The following PGR variants were observed in gnomAD, a reference collection of about 807,000 sequenced individuals.
PGR encodes the protein nuclear receptor subfamily 3 group C member 3.
Under a neutral mutation model 76.1 loss-of-function variants are expected in PGR, and 25 were observed. The ratio of observed to expected loss-of-function variants is 0.33; its 90% CI spans 0.24 to 0.46. The LOEUF (loss-of-function observed/expected upper bound fraction) is 0.46. Ranked by LOEUF, PGR falls within the 20% of genes least tolerant of loss-of-function variation. The pLI is 1.00. For missense variants in PGR, 1,172 were observed against 1,225.3 expected, an observed-to-expected ratio of 0.96 and a Z score of 0.65; for synonymous variants, 579 against 535.0, an observed-to-expected ratio of 1.08 and a Z score of -1.14.
chr11:101,084,097 T>C (rs637963), intron 3 of PGR, among the ~76,000 whole-genome samples: 38,854 of 151,990 alleles, frequency 0.26, 5,844 homozygotes, highest in Non-Finnish European at 0.35. Context: ...GTTGTCATGA[T>C]AGTGAGTGGG....
chr11:101,114,124 A>G (rs190721392), intron 2 of PGR, among the ~76,000 whole-genome samples: 1 of 152,222 alleles, frequency 6.6e-6, no homozygotes, highest in African/African-American at 2.4e-5. Flanking sequence ...TCTAATACTT[A>G]GTCAGGATTC....
In PGR at chr11:101,062,693, G is replaced by A. The variant is rs1282922655; in HGVS notation, c.1966C>T (p.Leu656Phe). 1.2e-6 allele frequency: 2 copies of A among 1,613,704 alleles called. No individual in the cohort carries two copies. Among genetic ancestry groups the A allele is most frequent in the East Asian group, 4.5e-5 (2 of 44,866 alleles). ...TTTGGAACGCCCACTGGCTGTGGGA[G>A]AGCAACAGCATCCAGTGCTCTCACA... ...RVVRALDAVA[L>F]PQPVGVPNES... Residue 656 changes from leucine (L) to phenylalanine (F), a missense_variant, in exon 4 of 8, where the codon CTC becomes TTC. Leu to Phe is a conservative substitution (Grantham distance 22, BLOSUM62 0). Coordinates refer to ENST00000325455, the MANE Select transcript of PGR (RefSeq NM_000926.4).
intron 6 of PGR, among the ~76,000 whole-genome samples, chr11:101,043,271 G>T (rs1399685914): frequency 6.6e-6 from 1 of 152,144 alleles, no homozygotes; most frequent in Non-Finnish European, 1.5e-5. Context: ...TCCAACTCAA[G>T]AAACCACTTT....
At chr11:101,119,704 GA>G (rs1862615870) in intron 2 of PGR, among the ~76,000 whole-genome samples, 2 of 152,150 alleles carry the variant, frequency 1.3e-5, no homozygotes, top group African/African-American at 2.4e-5. Flanking sequence ...AAGAAATACA[GA>G]GCTGTTCTGA....
chr11:101,062,329 C>T, intron 4 of PGR, 118 bp downstream of exon 4: 1 of 784,308 alleles, frequency 1.3e-6, no homozygotes, highest in Non-Finnish European at 2.1e-6. Flanking sequence ...CACATACTAT[C>T]ACATACTGTT....
chr11:101,033,281 T>C lies in PGR; in HGVS notation c.*5835A>G. 1 of 206,052 alleles carries C rather than the reference T, an allele frequency of 4.9e-6. No individual in the cohort carries two copies. 12.8% of individuals were successfully genotyped at this position (206,052 alleles called of 1,614,324 possible). A position where few individuals can be genotyped will look rare whatever the true frequency, so the allele number is the denominator to read the frequency against. On this transcript the variant is annotated 3_prime_UTR_variant, in exon 8 of 8. Transcript: ENST00000325455. ...AATTCTGGAAAGTATTTCTACCTTATGGAGAACAAGCAGAGCCACATCTCT... is the reference window on the plus strand; with the variant it reads ...AATTCTGGAAAGTATTTCTACCTTACGGAGAACAAGCAGAGCCACATCTCT...
At chr11:101,096,350 A>G (rs1861830386) in intron 2 of PGR, among the ~76,000 whole-genome samples, 5 of 152,238 alleles carry the variant, frequency 3.3e-5, no homozygotes, top group Admixed American at 3.3e-4. Flanking sequence ...TCAAAACTGC[A>G]AAGTAGATGC....
In PGR at chr11:101,062,750, G is replaced by T; in HGVS notation, c.1909C>A (p.Arg637=). 1.2e-6 allele frequency: 2 copies of T among 1,607,030 alleles called. No individual in the cohort carries two copies. The highest frequency in any genetic ancestry group is 2.2e-5 in the South Asian group (2 of 90,236). ...ACTTTATTGAACTTTTTAAATTTTC[G>T]ACCTACAGAGAAGAAAAAAAAGAAA... The part of the protein sequence containing the change: ...CCQAGMVLGG[R]KFKKFNKVRV... Residue 637 remains arginine (R), a splice_region_variant and synonymous_variant, in exon 4 of 8, where the codon CGA becomes AGA. Transcript: ENST00000325455.
In PGR at chr11:101,084,673, C is replaced by T. The variant is rs142311942; in HGVS notation, c.1906+7087G>A. 6.0e-3 allele frequency among the ~76,000 whole-genome samples: 899 copies of T among 149,150 alleles called. 6 individuals carry two copies. The highest frequency in any genetic ancestry group is 0.021 in the African/African-American group (860 of 40,694). ...ACTCCATCTAAAAAAAAAAAAAAGTCACAGAGTGGCAAACCAGCTAGGAAA... is the reference window on the plus strand; with the variant it reads ...ACTCCATCTAAAAAAAAAAAAAAGTTACAGAGTGGCAAACCAGCTAGGAAA... On this transcript the variant is annotated intron_variant, in intron 3 of 7. Coordinates refer to ENST00000325455, the MANE Select transcript of PGR (RefSeq NM_000926.4).
Position 101,049,949 on chromosome 11 carries a change from A to G in PGR, c.2468T>C (p.Val823Ala). 2 of 1,611,750 alleles carry G rather than the reference A, an allele frequency of 1.2e-6. No homozygotes were observed. Among genetic ancestry groups the G allele is most frequent in the Non-Finnish European group, 1.7e-6 (2 of 1,178,290 alleles). ...VSQEEFLCMK[V>A]LLLLNTIPLE... ...CTCACTTGTATTAAGAAGTAACAAT[A>G]CTTTCATACAGAGGAACTCTTCTTG... Residue 823 changes from valine to alanine, a missense_variant, in exon 6 of 8, where the codon GTA becomes GCA. Transcript: ENST00000325455.
At position 101,090,605 on chromosome 11, in the gene PGR, A is replaced by T. The variant is rs192500350; in HGVS notation, c.1906+1155T>A. Among the ~76,000 whole-genome samples the T allele has an allele frequency of 5.3e-5, 8 of 152,334 alleles. No individual in the cohort carries two copies. The East Asian group carries it at 1.5e-3, about 29-fold the overall frequency. Reference sequence around the variant, plus strand: ...AAAGAGGTGGTAATTGAGGTGTGGGACTCAAAAACAATTTTAATCTGCTGA... The same window carrying T: ...AAAGAGGTGGTAATTGAGGTGTGGGTCTCAAAAACAATTTTAATCTGCTGA... On this transcript the variant is annotated intron_variant, in intron 3 of 7. Transcript: ENST00000325455.
rs574957000 is a variant in PGR, at chr11:101,080,787, T to C, written c.1906+10973A>G. 3.2e-3 allele frequency among the ~76,000 whole-genome samples: 484 copies of C among 152,168 alleles called. 2 individuals carry two copies. The highest frequency in any genetic ancestry group is 0.011 in the African/African-American group (454 of 41,530). On this transcript the variant is annotated intron_variant, in intron 3 of 7. Coordinates refer to ENST00000325455, the MANE Select transcript of PGR (RefSeq NM_000926.4). ...ACATGAACATCTTAAAAAAAATCAA[T>C]AGTAGCTTCTGGAATTGAAAAACTC...
chr11:101,086,571 G>GA lies in PGR; in HGVS notation c.1906+5188dup, dbSNP rs1861508542. ...ACTCTCACCACTCCTGTTAACACTG[G>GA]AAGTGCTAGCCAGAGCAGTCAGGCA... is the stretch of plus-strand genomic sequence containing the variant. On this transcript the variant is annotated intron_variant, in intron 3 of 7. Transcript: ENST00000325455. Among the ~76,000 whole-genome samples, 3 of 152,194 alleles carry GA rather than the reference G, an allele frequency of 2.0e-5. No individual in the cohort carries two copies. The South Asian group carries it at 6.2e-4, about 32-fold the overall frequency.
rs1859299984 is a variant in PGR at position 101,029,995 on chromosome 11, C to G, written c.*9121G>C. Reference sequence around the variant, plus strand: ...ACAGTTTCACCTTCTTGGCAAAAACCTTCAGAACAATTGTCAACATACTCT... The same window carrying G: ...ACAGTTTCACCTTCTTGGCAAAAACGTTCAGAACAATTGTCAACATACTCT... On this transcript the variant is annotated 3_prime_UTR_variant, in exon 8 of 8. Coordinates refer to ENST00000325455, the MANE Select transcript of PGR (RefSeq NM_000926.4). The G allele has an allele frequency of 4.5e-6, 1 of 223,754 alleles. No individual in the cohort carries two copies. Among genetic ancestry groups the G allele is most frequent in the Admixed American group, 5.7e-5 (1 of 17,452 alleles). The allele number at this position is 223,754 out of a possible 1,614,324, so 13.9% of individuals were successfully genotyped here. A position where few individuals can be genotyped will look rare whatever the true frequency, so the allele number is the denominator to read the frequency against.
rs776243608 is a variant in PGR at position 101,049,916 on chromosome 11, T to C, written c.2488+13A>G. ...ACTAGATATCTTGCATTAAGTTACT[T>C]GAACTCACTCACTTGTATTAAGAAG... On this transcript the variant is annotated intron_variant, in intron 6 of 7. Transcript: ENST00000325455. 3 of 1,607,256 alleles carry C rather than the reference T, an allele frequency of 1.9e-6. No individual in the cohort carries two copies. The South Asian group carries it at 3.3e-5, about 18-fold the overall frequency.
At position 101,065,968 on chromosome 11, in the gene PGR, C is replaced by T. The variant is rs111875112; in HGVS notation, c.1907-3216G>A. Among the ~76,000 whole-genome samples, 607 of 152,156 alleles carry T rather than the reference C, an allele frequency of 4.0e-3. 9 individuals carry two copies. The highest frequency in any genetic ancestry group is 0.013 in the African/African-American group (558 of 41,500). On this transcript the variant is annotated intron_variant, in intron 3 of 7. Coordinates refer to ENST00000325455, the MANE Select transcript of PGR (RefSeq NM_000926.4). ...GTGGCCAATCTACAGTATGGCTACCCCTGTACTCTGCCTTCCCTCCTGTTA... is the reference window on the plus strand; with the variant it reads ...GTGGCCAATCTACAGTATGGCTACCTCTGTACTCTGCCTTCCCTCCTGTTA...
chr11:101,071,049 C>T (rs562801808), intron 3 of PGR, among the ~76,000 whole-genome samples: 1 of 152,144 alleles, frequency 6.6e-6, no homozygotes, highest in African/African-American at 2.4e-5. Flanking sequence ...CAGCAGGGGT[C>T]GACAGACACC....
intron 3 of PGR, among the ~76,000 whole-genome samples, chr11:101,068,267 C>T (rs1860795034): frequency 6.6e-6 from 1 of 152,122 alleles, no homozygotes; most frequent in Admixed American, 6.5e-5. Flanking sequence ...AACTCCCATT[C>T]ACAATTGCTA....
Position 101,036,253 on chromosome 11 carries a change from G to A in PGR, c.*2863C>T, listed in dbSNP as rs952675064. The stretch of plus-strand genomic sequence containing the variant: ...CTGTATAGCAATAAATTATCTTAAT[G>A]TTAAATGGGAAAAAATAGCATAGCA... On this transcript the variant is annotated 3_prime_UTR_variant, in exon 8 of 8. Coordinates refer to ENST00000325455, the MANE Select transcript of PGR (RefSeq NM_000926.4). 1 of 221,144 alleles carries A rather than the reference G, an allele frequency of 4.5e-6. No homozygotes were observed. 13.7% of individuals were successfully genotyped at this position (221,144 alleles called of 1,614,324 possible).
Sources: gnomAD v4.1 joint callset for allele counts (sites outside exome capture counted in the v4.1 genomes callset) on GRCh38, gnomAD v4.1.1 for gene constraint, MANE v1.5 for transcripts, NCBI Gene and HGNC (gene_info 2026-07-23, HGNC 2026-07-21) for gene names.